The following SCOC variants were observed in gnomAD, a reference collection of about 807,000 sequenced individuals.
SCOC encodes short coiled coil protein.
SCOC carries 7 observed loss-of-function variants against 9.9 expected under a neutral mutation model. The observed-to-expected ratio is 0.71, with a 90% CI of 0.40 to 1.33. SCOC has a LOEUF of 1.33. SCOC is among the 40% of genes most tolerant of loss of function. The pLI is 0.01. For synonymous variants in SCOC, 19 were observed against 28.2 expected (o/e 0.67, Z 1.03); for missense variants, 66 against 89.7 (o/e 0.74, Z 1.07).
rs536593545 is a variant in SCOC at position 140,385,613 on chromosome 4, G to C, written c.*4509G>C. ...TAGTCCCTTTTGTAAGAGAAATATG[G>C]TAGTTGAATTATAAAATCTAAAATT... is the stretch of plus-strand genomic sequence containing the variant. On this transcript the variant is annotated 3_prime_UTR_variant, in exon 4 of 4. Transcript: ENST00000608372. 2 of 152,260 alleles carry C rather than the reference G, an allele frequency of 1.3e-5. No homozygotes were observed. The highest frequency in any genetic ancestry group is 4.2e-4 in the South Asian group (2 of 4,818). 9.4% of individuals were successfully genotyped at this position (152,260 alleles called of 1,614,324 possible).
chr4:140,284,189 C>T (rs889494827), intron 1 of SCOC: 2 of 151,420 alleles, frequency 1.3e-5, no homozygotes, highest in Non-Finnish European at 2.9e-5. Context: ...TCTCTCTTTT[C>T]GTACGTTACA....
At chr4:140,373,330 C>A, upstream of SCOC, 1 of 1,408,618 alleles carries the variant, frequency 7.1e-7, no homozygotes, top group Non-Finnish European at 9.2e-7. Context: ...CTGGGATTCT[C>A]ACTCCAATTC....
chr4:140,367,757 G>A lies in SCOC; in HGVS notation c.71-11364G>A, dbSNP rs1727865503. On this transcript the variant is annotated intron_variant, in intron 2 of 4. Coordinates refer to the SCOC transcript ENST00000338517. ...TTGAAAATGTAGATTCGTGTTTAGAGAATCACAGAATCACAAAATCACAAA... is the reference window on the plus strand; with the variant it reads ...TTGAAAATGTAGATTCGTGTTTAGAAAATCACAGAATCACAAAATCACAAA... 2.0e-5 allele frequency among the ~76,000 whole-genome samples: 3 copies of A among 152,142 alleles called. No individual in the cohort carries two copies. In the South Asian group the frequency reaches 6.2e-4, roughly 32 times the overall value.
chr4:140,258,801 A>G (rs547373080), intron 1 of SCOC, among the ~76,000 whole-genome samples: 2 of 152,306 alleles, frequency 1.3e-5, no homozygotes, highest in South Asian at 4.1e-4. Flanking sequence ...ATTTTTTGAA[A>G]TGATGGCGTA....
chr4:140,366,260 A>C, intron 2 of SCOC: 1 of 1,311,344 alleles, frequency 7.6e-7, no homozygotes, highest in Non-Finnish European at 1.0e-6. Flanking sequence ...CTTTTGGAGC[A>C]GGTGCTTTCT....
At chr4:140,261,212 C>T (rs1730625669) in intron 1 of SCOC, among the ~76,000 whole-genome samples, 1 of 152,190 alleles carries the variant, frequency 6.6e-6, no homozygotes, top group Non-Finnish European at 1.5e-5. Flanking sequence ...CCAGCAGGAG[C>T]AGAGACTTGG....
At chr4:140,297,269 TG>T (rs11287239) in intron 1 of SCOC, among the ~76,000 whole-genome samples, 101,961 of 147,894 alleles carry the variant, frequency 0.69, 35,009 homozygotes, top group East Asian at 0.76. Flanking sequence ...CTGGTGACTG[TG>T]GGGGGGGGGG....
chr4:140,354,195 G>T (rs1379268932), intron 2 of SCOC, among the ~76,000 whole-genome samples: 1 of 152,018 alleles, frequency 6.6e-6, no homozygotes, highest in Non-Finnish European at 1.5e-5. Flanking sequence ...ATGTTTAGAA[G>T]ATTTTTTTTT....
At chr4:140,379,739 A>T (rs1728490477) in intron 3 of SCOC, 87 bp downstream of exon 3, 1 of 940,148 alleles carries the variant, frequency 1.1e-6, no homozygotes. Context: ...GTTTGTTAGG[A>T]TGTATAATTT....
chr4:140,344,197 C>G (rs1405489517), intron 2 of SCOC, among the ~76,000 whole-genome samples: 1 of 152,146 alleles, frequency 6.6e-6, no homozygotes, highest in African/African-American at 2.4e-5. Context: ...GAGAGCAGTT[C>G]TAAAATGCTG....
intron 2 of SCOC, among the ~76,000 whole-genome samples, chr4:140,355,403 G>A (rs1276635354): frequency 6.6e-6 from 1 of 151,878 alleles, no homozygotes; most frequent in East Asian, 1.9e-4. Context: ...CAAATATCAT[G>A]CTATTGATAT....
At chr4:140,257,342 C>T (rs1316073581) in exon 1 of SCOC, 1 of 152,172 alleles carries the variant, frequency 6.6e-6, no homozygotes, top group African/African-American at 2.4e-5. Context: ...ATGATAGGAA[C>T]GATGGCTACA....
At chr4:140,272,057 CT>C (rs11325260) in intron 1 of SCOC, among the ~76,000 whole-genome samples, 25,811 of 133,598 alleles carry the variant, frequency 0.19, 4,392 homozygotes, top group African/African-American at 0.47. Context: ...TCTATCATCA[CT>C]TTTTTTTTTT....
upstream of SCOC, chr4:140,373,588 G>A (rs993834765): frequency 7.1e-6 from 11 of 1,551,576 alleles, no homozygotes; most frequent in African/African-American, 4.1e-5. Flanking sequence ...CGGCTGGGAC[G>A]GGATGGGATT....
At chr4:140,373,632 G>A (rs747723013), upstream of SCOC, 9 of 1,551,668 alleles carry the variant, frequency 5.8e-6, no homozygotes, top group South Asian at 1.1e-4. Context: ...GGCGGAGTGG[G>A]CGGAGCTGCC....
chr4:140,332,569 G>A (rs1449132921), intron 1 of SCOC, among the ~76,000 whole-genome samples: 8 of 151,766 alleles, frequency 5.3e-5, no homozygotes, highest in Admixed American at 3.9e-4. Flanking sequence ...AGTAGAGACG[G>A]GTTTTCACCA....
chr4:140,373,432 G>C, upstream of SCOC: 1 of 1,505,900 alleles, frequency 6.6e-7, no homozygotes, highest in Non-Finnish European at 8.9e-7. Context: ...TCCAGGTCCC[G>C]CCCACAGCGA....
chr4:140,363,464 T>C (rs1321656523), intron 2 of SCOC, among the ~76,000 whole-genome samples: 1 of 152,154 alleles, frequency 6.6e-6, no homozygotes, highest in African/African-American at 2.4e-5. Context: ...TGCATAAACA[T>C]ATGTAGATAC....
At chr4:140,345,097 C>A (rs746792220) in intron 2 of SCOC, among the ~76,000 whole-genome samples, 5 of 152,170 alleles carry the variant, frequency 3.3e-5, no homozygotes, top group Non-Finnish European at 7.3e-5. Context: ...GTCCAGTCCA[C>A]TGTTGGCACT....
Sources: allele counts gnomAD v4.1 joint callset (sites outside exome capture counted in the v4.1 genomes callset), GRCh38; gene constraint gnomAD v4.1.1; transcripts MANE v1.5; gene names NCBI Gene and HGNC (gene_info 2026-07-23, HGNC 2026-07-21).